The following RPH3A variants were observed in gnomAD, a reference collection of about 807,000 sequenced individuals.
RPH3A encodes rabphilin 3A, also known as rabphilin-3A.
Under a neutral mutation model 102.2 loss-of-function variants are expected in RPH3A, and 48 were observed. The ratio of observed to expected loss-of-function variants is 0.47; its 90% CI spans 0.37 to 0.60. The LOEUF is 0.60. Among genes scored for constraint, RPH3A ranks in the 20% least tolerant of loss-of-function variants. The probability of loss-of-function intolerance (pLI) is 0.00; values close to 1 mark genes in which losing one functional copy is unlikely to be tolerated. For synonymous variants in RPH3A, 310 were observed against 324.3 expected (o/e 0.96, Z 0.47); for missense variants, 781 against 910.1 (o/e 0.86, Z 1.83).
intron 1 of RPH3A, among the ~76,000 whole-genome samples, chr12:112,642,919 G>T (rs536182665): frequency 6.6e-6 from 1 of 152,144 alleles, no homozygotes. Context: ...CTTTTTGGTT[G>T]TCTCAAATAT....
At chr12:112,782,107 T>A (rs911018783) in intron 1 of RPH3A, among the ~76,000 whole-genome samples, 1 of 152,024 alleles carries the variant, frequency 6.6e-6, no homozygotes, top group African/African-American at 2.4e-5. Flanking sequence ...CTGGGGAGAG[T>A]GGACAGATAC....
At chr12:112,758,452 T>A (rs1183293713) in intron 1 of RPH3A, among the ~76,000 whole-genome samples, 1 of 152,190 alleles carries the variant, frequency 6.6e-6, no homozygotes, top group African/African-American at 2.4e-5. Context: ...ATATGTGACA[T>A]CCAGGTCCTA....
chr12:112,669,753 A>G (rs777874143), intron 1 of RPH3A, among the ~76,000 whole-genome samples: 73 of 152,198 alleles, frequency 4.8e-4, no homozygotes, highest in Non-Finnish European at 6.6e-4. Context: ...TTTCTTTGCT[A>G]ATATATCTTG....
chr12:112,669,093 G>A lies in RPH3A; in HGVS notation c.-140+93774G>A, dbSNP rs548007687. Among the ~76,000 whole-genome samples the A allele has an allele frequency of 3.8e-4, 58 of 152,304 alleles. No individual in the cohort carries two copies. The South Asian group carries it at 0.011, about 28-fold the overall frequency. On this transcript the variant is annotated intron_variant, in intron 1 of 21. Transcript: ENST00000543106. ...AACCAGAGTTGCTGGGTAAGGTTGT[G>A]TAGGTTGCTCACTGCTCAAGAGTAA...
At chr12:112,832,244 C>T (rs2041982392) in intron 3 of RPH3A, among the ~76,000 whole-genome samples, 1 of 152,136 alleles carries the variant, frequency 6.6e-6, no homozygotes. Flanking sequence ...TGTCTTAGAG[C>T]ATATTAATTT....
chr12:112,874,057 G>A (rs1315363746), intron 10 of RPH3A: 2 of 152,206 alleles, frequency 1.3e-5, no homozygotes, highest in Non-Finnish European at 2.9e-5. Flanking sequence ...TGATTTGTAA[G>A]CCCCCAGGCA....
intron 1 of RPH3A, among the ~76,000 whole-genome samples, chr12:112,611,856 A>C (rs2039641520): frequency 6.6e-6 from 1 of 152,010 alleles, no homozygotes; most frequent in Non-Finnish European, 1.5e-5. Flanking sequence ...AAATAATTAG[A>C]GTCCCTTCAA....
chr12:112,737,799 A>G (rs781067902), intron 1 of RPH3A, among the ~76,000 whole-genome samples: 1 of 152,164 alleles, frequency 6.6e-6, no homozygotes, highest in Non-Finnish European at 1.5e-5. Flanking sequence ...CTGGGCCTAA[A>G]TCCACACAGA....
chr12:112,668,847 T>A (rs1185715409), intron 1 of RPH3A, among the ~76,000 whole-genome samples: 1 of 152,046 alleles, frequency 6.6e-6, no homozygotes, highest in Non-Finnish European at 1.5e-5. Context: ...GGACAGAGAA[T>A]GAATTAGCAG....
intron 8 of RPH3A, 139 bp downstream of exon 8, chr12:112,868,734 C>T: frequency 2.4e-6 from 2 of 834,864 alleles, no homozygotes; most frequent in Non-Finnish European, 3.6e-6. Context: ...TCTAGGACTC[C>T]TATATCTCCT....
intron 1 of RPH3A, among the ~76,000 whole-genome samples, chr12:112,754,859 T>A (rs1364050464): frequency 6.6e-6 from 1 of 152,220 alleles, no homozygotes; most frequent in Admixed American, 6.5e-5. Context: ...CAGGACCTTT[T>A]AAAAATAACA....
intron 1 of RPH3A, among the ~76,000 whole-genome samples, chr12:112,713,054 T>TCTTCTTCTC (rs1565857501): frequency 3.0e-4 from 19 of 63,428 alleles, no homozygotes; most frequent in Non-Finnish European, 7.3e-4. Flanking sequence ...TTCTTCTCCT[T>TCTTCTTCTC]CTTCTTCTTC....
intron 1 of RPH3A, among the ~76,000 whole-genome samples, chr12:112,590,990 G>GT (rs1051306639): frequency 1.3e-5 from 2 of 151,826 alleles, no homozygotes; most frequent in East Asian, 1.9e-4. Flanking sequence ...TAGCTTTTGG[G>GT]TTTTTTTGGT....
intron 4 of RPH3A, among the ~76,000 whole-genome samples, chr12:112,846,402 C>T (rs888948387): frequency 2.0e-5 from 3 of 152,210 alleles, no homozygotes; most frequent in Non-Finnish European, 2.9e-5. Flanking sequence ...CCCCAGGCAG[C>T]GTCCTCCTTC....
At chr12:112,696,404 C>A (rs2040352423) in intron 1 of RPH3A, among the ~76,000 whole-genome samples, 1 of 152,150 alleles carries the variant, frequency 6.6e-6, no homozygotes, top group African/African-American at 2.4e-5. Flanking sequence ...TTTAAGAAAT[C>A]TCTATACTGT....
Position 112,646,409 on chromosome 12 carries a change from C to T in RPH3A, c.-140+71090C>T, listed in dbSNP as rs865792548. Among the ~76,000 whole-genome samples, 7 of 152,134 alleles carry T rather than the reference C, an allele frequency of 4.6e-5. No individual in the cohort carries two copies. The South Asian group carries it at 8.3e-4, about 18-fold the overall frequency. ...CCCCCCATGGAAGAGGCTCCATTTT[C>T]GTTTGTGTGCCTCTTTTTAAGAGCA... is the stretch of plus-strand genomic sequence containing the variant. On this transcript the variant is annotated intron_variant, in intron 1 of 21. Coordinates refer to the RPH3A transcript ENST00000543106.
rs183779411 is a variant in RPH3A at position 112,576,068 on chromosome 12, T to C, written c.-140+749T>C. ...GCGCTGTCTGGAGTTATTCATTCAT[T>C]GAATCCTCACCACGCTCCCTGAACT... is the stretch of plus-strand genomic sequence containing the variant. On this transcript the variant is annotated intron_variant, in intron 1 of 21. Coordinates refer to the RPH3A transcript ENST00000543106. 8.5e-4 allele frequency among the ~76,000 whole-genome samples: 130 copies of C among 152,340 alleles called. 1 individual carries two copies. Among genetic ancestry groups the C allele is most frequent in the Non-Finnish European group, 3.1e-4 (21 of 68,024 alleles).
chr12:112,668,267 A>C (rs185837023), intron 1 of RPH3A, among the ~76,000 whole-genome samples: 2 of 152,286 alleles, frequency 1.3e-5, no homozygotes, highest in East Asian at 3.9e-4. Context: ...TAAATAAATC[A>C]AATTTCTTTA....
intron 1 of RPH3A, among the ~76,000 whole-genome samples, chr12:112,773,878 C>T (rs763156937): frequency 1.4e-4 from 22 of 151,982 alleles, no homozygotes; most frequent in Non-Finnish European, 2.8e-4. Flanking sequence ...CTCAGGAGTT[C>T]GAGACCAGCC....
Sources: allele counts gnomAD v4.1 joint callset (sites outside exome capture counted in the v4.1 genomes callset), GRCh38; gene constraint gnomAD v4.1.1; transcripts MANE v1.5; gene names NCBI Gene and HGNC (gene_info 2026-07-23, HGNC 2026-07-21).